The following CEP70 variants were observed in gnomAD, a reference collection of about 807,000 sequenced individuals.
The protein encoded by CEP70 is centrosomal protein of 70 kDa.
A neutral mutation model predicts 90.9 loss-of-function variants in CEP70; 70 were observed. That is an observed-to-expected ratio of 0.77 (90% CI 0.64 to 0.94). The LOEUF (loss-of-function observed/expected upper bound fraction) is 0.94, where lower values mean the gene tolerates loss of function less well. CEP70 is among the 40% of genes least tolerant of loss of function. CEP70 has a pLI of 0.00. For synonymous variants in CEP70, 220 were observed against 228.3 expected (o/e 0.96, Z 0.33); for missense variants, 648 against 669.0 (o/e 0.97, Z 0.35).
Position 138,530,153 on chromosome 3 carries a change from A to G in CEP70, c.693-691T>C, listed in dbSNP as rs73864591. Among the ~76,000 whole-genome samples the G allele has an allele frequency of 7.5e-3, 1,136 of 152,332 alleles. 18 individuals are homozygous for G. Among genetic ancestry groups the G allele is most frequent in the African/African-American group, 0.026 (1,065 of 41,580 alleles). On this transcript the variant is annotated intron_variant, in intron 8 of 17. Coordinates refer to ENST00000264982, the MANE Select transcript of CEP70 (RefSeq NM_024491.4). Reference sequence around the variant, plus strand: ...ATTAACTATCACTGTGATGTCCTATATGGTAACCAATAGCTACATGAGCTA... The same window carrying G: ...ATTAACTATCACTGTGATGTCCTATGTGGTAACCAATAGCTACATGAGCTA...
At chr3:138,589,840 T>G (rs1315917223) in intron 2 of CEP70, among the ~76,000 whole-genome samples, 1 of 152,170 alleles carries the variant, frequency 6.6e-6, no homozygotes, top group Non-Finnish European at 1.5e-5. Flanking sequence ...ACTTTATATC[T>G]GCAAAATTGA....
intron 2 of CEP70, among the ~76,000 whole-genome samples, 158 bp downstream of exon 2, chr3:138,591,696 C>T (rs1182891095): frequency 6.6e-6 from 1 of 152,190 alleles, no homozygotes; most frequent in Non-Finnish European, 1.5e-5. Context: ...CCTCTCTGAG[C>T]TTCAGCTTCT....
intron 11 of CEP70, among the ~76,000 whole-genome samples, chr3:138,517,501 C>T (rs928097374): frequency 2.0e-5 from 3 of 152,040 alleles, no homozygotes; most frequent in Admixed American, 6.5e-5. Context: ...CCCGTCTCTA[C>T]TAAAAATACA....
rs569332104 is a variant in CEP70, at chr3:138,515,635, C to T, written c.945-7091G>A. Among the ~76,000 whole-genome samples the T allele has an allele frequency of 2.0e-5, 3 of 152,246 alleles. No individual in the cohort carries two copies. The South Asian group carries it at 6.2e-4, about 32-fold the overall frequency. On this transcript the variant is annotated intron_variant, in intron 11 of 17. Coordinates refer to ENST00000264982, the MANE Select transcript of CEP70 (RefSeq NM_024491.4). Reference sequence around the variant, plus strand: ...CCACTGTGTACATGTCCATGAATGACTACAGGTGCTGTATGGATTTGTGAT... The same window carrying T: ...CCACTGTGTACATGTCCATGAATGATTACAGGTGCTGTATGGATTTGTGAT...
At chr3:138,537,585 C>T (rs909666760) in intron 6 of CEP70, among the ~76,000 whole-genome samples, 1 of 152,084 alleles carries the variant, frequency 6.6e-6, no homozygotes, top group Non-Finnish European at 1.5e-5. Flanking sequence ...TAATTGCGTG[C>T]ATTCAAGACA....
chr3:138,555,860 T>G (rs2039968431), intron 6 of CEP70, among the ~76,000 whole-genome samples: 2 of 152,198 alleles, frequency 1.3e-5, no homozygotes. Flanking sequence ...GTGTGGAGAT[T>G]CATTAAAGAA....
chr3:138,509,906 C>A (rs9822037), intron 11 of CEP70, among the ~76,000 whole-genome samples: 82,989 of 151,858 alleles, frequency 0.55, 24,389 homozygotes, highest in African/African-American at 0.77. Context: ...AACAATCCTT[C>A]TTTAACTTAA....
intron 13 of CEP70, 53 bp downstream of exon 13, chr3:138,505,242 G>A: frequency 7.5e-7 from 1 of 1,338,074 alleles, no homozygotes; most frequent in South Asian, 1.8e-5. Context: ...TATTAATAAA[G>A]CACATAGAGT....
chr3:138,528,014 A>G (rs753885572), intron 10 of CEP70, among the ~76,000 whole-genome samples: 1 of 134,834 alleles, frequency 7.4e-6, no homozygotes. Context: ...TTTTAAAAGC[A>G]AAAAAAAAAA....
Position 138,572,906 on chromosome 3 carries a change from G to A in CEP70, c.22C>T (p.Pro8Ser). 2.5e-6 allele frequency: 4 copies of A among 1,611,424 alleles called. No individual in the cohort carries two copies. The South Asian group carries it at 3.3e-5, about 13-fold the overall frequency. The change falls in exon 3 of 18, where the codon CCC (proline) becomes TCC (serine). Residue 8 changes from proline (P) to serine (S), a missense_variant. By Grantham distance (74) the Pro-to-Ser change is moderately conservative. Transcript: ENST00000264982. Reference protein sequence around the residue: MFPVAPKPQDSSQPSDRL... With the variant: MFPVAPKSQDSSQPSDRL... ...TCTGATGGTTGACTGGAATCCTGGGGTTTAGGGGCTACCGGAAACATAGTT... is the reference window on the plus strand; with the variant it reads ...TCTGATGGTTGACTGGAATCCTGGGATTTAGGGGCTACCGGAAACATAGTT...
At chr3:138,507,875 A>T (rs940714372) in intron 12 of CEP70, among the ~76,000 whole-genome samples, 24 of 152,156 alleles carry the variant, frequency 1.6e-4, no homozygotes, top group Non-Finnish European at 2.2e-4. Context: ...CTTAATTTTT[A>T]AAAAAATGAA....
chr3:138,527,674 G>A (rs544107943), intron 10 of CEP70, among the ~76,000 whole-genome samples: 135 of 142,404 alleles, frequency 9.5e-4, no homozygotes, highest in African/African-American at 3.5e-3. Context: ...CAGCCTGGGC[G>A]ACAGAGCAAG....
chr3:138,547,954 A>G (rs1053655704), intron 6 of CEP70, among the ~76,000 whole-genome samples: 39 of 152,236 alleles, frequency 2.6e-4, no homozygotes, highest in African/African-American at 8.9e-4. Context: ...TGAAATCACA[A>G]AAAGCAAAAC....
chr3:138,591,863 A>T lies in CEP70; in HGVS notation c.-15T>A. ...GTTACATTAGACATACCTCAGTCATAGCATATTACTCTTGCACTTTACACC... is the reference window on the plus strand; with the variant it reads ...GTTACATTAGACATACCTCAGTCATTGCATATTACTCTTGCACTTTACACC... On this transcript the variant is annotated 5_prime_UTR_variant, in exon 2 of 18. Transcript: ENST00000264982. 3 of 1,527,734 alleles carry T rather than the reference A, an allele frequency of 2.0e-6. No individual in the cohort carries two copies. Among genetic ancestry groups the T allele is most frequent in the African/African-American group, 1.4e-5 (1 of 72,690 alleles). 94.6% of individuals were successfully genotyped at this position (1,527,734 alleles called of 1,614,324 possible).
chr3:138,525,993 A>G (rs1364712273), intron 10 of CEP70, among the ~76,000 whole-genome samples: 2 of 152,124 alleles, frequency 1.3e-5, no homozygotes, highest in African/African-American at 4.8e-5. Context: ...GAGAACCACT[A>G]TCCTCAATTC....
intron 2 of CEP70, among the ~76,000 whole-genome samples, chr3:138,582,139 G>A (rs1219964277): frequency 2.0e-5 from 3 of 152,108 alleles, no homozygotes; most frequent in South Asian, 2.1e-4. Flanking sequence ...CGACGTTAAT[G>A]AGCAGAAATT....
At chr3:138,514,714 T>A in intron 11 of CEP70, among the ~76,000 whole-genome samples, 1 of 152,160 alleles carries the variant, frequency 6.6e-6, no homozygotes, top group East Asian at 1.9e-4. Flanking sequence ...AAAATTTTTT[T>A]AAGTTTTACC....
chr3:138,590,823 T>C (rs1448212858), intron 2 of CEP70, among the ~76,000 whole-genome samples: 2 of 142,648 alleles, frequency 1.4e-5, no homozygotes, highest in African/African-American at 5.1e-5. Flanking sequence ...AAATAAATAA[T>C]AAAAAAAAAA....
intron 8 of CEP70, 121 bp downstream of exon 8, chr3:138,532,393 A>C: frequency 1.3e-6 from 1 of 781,850 alleles, no homozygotes; most frequent in Non-Finnish European, 1.8e-6. Flanking sequence ...ATAAAAAAGA[A>C]CTTCACAGTG....
Sources: allele counts gnomAD v4.1 joint callset (sites outside exome capture counted in the v4.1 genomes callset), GRCh38; gene constraint gnomAD v4.1.1; transcripts MANE v1.5; gene names NCBI Gene and HGNC (gene_info 2026-07-23, HGNC 2026-07-21).